Variants in SLAIN2 observed in about 807,000 individuals in gnomAD.
The protein encoded by SLAIN2 is SLAIN family member 2.
A neutral mutation model predicts 56.6 loss-of-function variants in SLAIN2; 31 were observed. The ratio of observed to expected loss-of-function variants is 0.55; its 90% CI spans 0.41 to 0.74. SLAIN2 has a LOEUF of 0.74. Ranked by LOEUF, SLAIN2 falls within the 30% of genes least tolerant of loss-of-function variation. SLAIN2 has a pLI of 0.00. For missense variants in SLAIN2, 777 were observed against 754.2 expected, an observed-to-expected ratio of 1.03 and a Z score of -0.35; for synonymous variants, 317 against 284.9, an observed-to-expected ratio of 1.11 and a Z score of -1.13.
chr4:48,358,895 A>AT (rs372737090), intron 1 of SLAIN2, among the ~76,000 whole-genome samples: 286 of 149,812 alleles, frequency 1.9e-3, no homozygotes, highest in African/African-American at 6.1e-3. Flanking sequence ...TAATTTTTGT[A>AT]TTTTTACTAG....
chr4:48,396,931 C>A (rs1716407654), intron 6 of SLAIN2, among the ~76,000 whole-genome samples: 1 of 152,172 alleles, frequency 6.6e-6, no homozygotes, highest in Non-Finnish European at 1.5e-5. Flanking sequence ...TATAGTCATG[C>A]TACTAAAGTC....
At chr4:48,377,040 G>C (rs1243950769) in intron 2 of SLAIN2, among the ~76,000 whole-genome samples, 1 of 149,734 alleles carries the variant, frequency 6.7e-6, no homozygotes, top group African/African-American at 2.5e-5. Context: ...TTATTTCATA[G>C]CTTTTAGAAA....
At chr4:48,351,838 A>G (rs577305382) in intron 1 of SLAIN2, among the ~76,000 whole-genome samples, 1 of 152,206 alleles carries the variant, frequency 6.6e-6, no homozygotes, top group South Asian at 2.1e-4. Context: ...AACCAGTAAT[A>G]TTTTCTAGAA....
At chr4:48,358,120 G>T (rs1420997580) in intron 1 of SLAIN2, among the ~76,000 whole-genome samples, 2 of 152,168 alleles carry the variant, frequency 1.3e-5, no homozygotes, top group Non-Finnish European at 2.9e-5. Context: ...TTTAATAGCT[G>T]TGCCACCTTG....
At chr4:48,408,530 CAAA>C (rs3072283) in intron 6 of SLAIN2, among the ~76,000 whole-genome samples, 3 of 109,048 alleles carry the variant, frequency 2.8e-5, no homozygotes, top group Non-Finnish European at 1.8e-5. Context: ...CCGTTTTTAG[CAAA>C]AAAAAAAAAA....
intron 1 of SLAIN2, among the ~76,000 whole-genome samples, chr4:48,352,087 A>G (rs1007811010): frequency 3.3e-5 from 5 of 151,412 alleles, no homozygotes; most frequent in African/African-American, 1.2e-4. Flanking sequence ...TGTGAAATCT[A>G]GGAGGAGAGT....
chr4:48,388,051 G>A (rs182663404), intron 6 of SLAIN2, among the ~76,000 whole-genome samples: 58 of 152,184 alleles, frequency 3.8e-4, no homozygotes, highest in Admixed American at 3.5e-3. Flanking sequence ...TTGCAAGGTT[G>A]CTGTTACTTC....
intron 1 of SLAIN2, among the ~76,000 whole-genome samples, chr4:48,352,337 A>G (rs1560449535): frequency 6.6e-6 from 1 of 152,236 alleles, no homozygotes; most frequent in Non-Finnish European, 1.5e-5. Flanking sequence ...ATGTTGCATG[A>G]AAACCATCAC....
chr4:48,412,238 T>C (rs1716875209), intron 6 of SLAIN2, among the ~76,000 whole-genome samples: 1 of 152,192 alleles, frequency 6.6e-6, no homozygotes, highest in African/African-American at 2.4e-5. Flanking sequence ...AATCTTGATA[T>C]CATGTATTTT....
chr4:48,420,187 G>T lies in SLAIN2; in HGVS notation c.1423G>T (p.Val475Leu). ...APSPLALRQP[V>L]KAFSNHGSGS... The stretch of plus-strand genomic sequence containing the variant: ...ATCTCCTTTGGCTCTTCGGCAACCA[G>T]TGAAAGCATTTAGTAACCATGGCTC... Residue 475 changes from valine to leucine, a missense_variant, in exon 7 of 8, where the codon GTG becomes TTG. By Grantham distance (32) the Val-to-Leu change is conservative. Coordinates refer to ENST00000264313, the MANE Select transcript of SLAIN2 (RefSeq NM_020846.2). 1 of 1,613,938 alleles carries T rather than the reference G, an allele frequency of 6.2e-7. No homozygotes were observed.
At chr4:48,410,461 G>T (rs1490755651) in intron 6 of SLAIN2, among the ~76,000 whole-genome samples, 1 of 151,932 alleles carries the variant, frequency 6.6e-6, no homozygotes, top group Non-Finnish European at 1.5e-5. Flanking sequence ...ATCAATTTTT[G>T]ATCTTATGGG....
chr4:48,410,908 C>G (rs1190725099), intron 6 of SLAIN2, among the ~76,000 whole-genome samples: 1 of 152,172 alleles, frequency 6.6e-6, no homozygotes, highest in Non-Finnish European at 1.5e-5. Context: ...GACAAAGTTG[C>G]TGCAGAATGC....
intron 6 of SLAIN2, among the ~76,000 whole-genome samples, chr4:48,400,435 C>T (rs778136335): frequency 1.1e-4 from 15 of 130,830 alleles, no homozygotes; most frequent in Non-Finnish European, 1.9e-4. Context: ...CTTGCTCTGT[C>T]GCCCAGGCTG....
chr4:48,363,694 C>T (rs1347058360), intron 1 of SLAIN2, among the ~76,000 whole-genome samples: 25 of 113,308 alleles, frequency 2.2e-4, no homozygotes, highest in African/African-American at 6.2e-4. Context: ...TAGGGGCGGC[C>T]GGGCAGAGGC....
chr4:48,393,934 T>C (rs1252655314), intron 6 of SLAIN2, among the ~76,000 whole-genome samples: 1 of 152,140 alleles, frequency 6.6e-6, no homozygotes, highest in African/African-American at 2.4e-5. Flanking sequence ...ATGGTCTGAC[T>C]CCTCCAAACC....
chr4:48,368,519 ATTG>A (rs1322752202), intron 1 of SLAIN2, among the ~76,000 whole-genome samples: 5 of 152,272 alleles, frequency 3.3e-5, no homozygotes, highest in Admixed American at 1.3e-4. Flanking sequence ...TGGTTTTATT[ATTG>A]TTATTATTCA....
intron 6 of SLAIN2, among the ~76,000 whole-genome samples, chr4:48,400,745 T>TA (rs967787719): frequency 6.6e-5 from 10 of 151,290 alleles, no homozygotes; most frequent in East Asian, 3.9e-4. Context: ...TTTTATTAAT[T>TA]AAAAAAAAAG....
intron 6 of SLAIN2, among the ~76,000 whole-genome samples, chr4:48,403,516 A>G (rs1288602309): frequency 1.3e-5 from 2 of 151,454 alleles, no homozygotes; most frequent in East Asian, 3.9e-4. Flanking sequence ...ATTGTGGGGA[A>G]CTCCTGGTCT....
At chr4:48,348,410 G>A (rs1421924255) in intron 1 of SLAIN2, among the ~76,000 whole-genome samples, 1 of 152,130 alleles carries the variant, frequency 6.6e-6, no homozygotes, top group Admixed American at 6.5e-5. Flanking sequence ...AAGACAGGCT[G>A]GGCATGGTGG....
Sources: allele counts gnomAD v4.1 joint callset (sites outside exome capture counted in the v4.1 genomes callset), GRCh38; gene constraint gnomAD v4.1.1; transcripts MANE v1.5; gene names NCBI Gene and HGNC (gene_info 2026-07-23, HGNC 2026-07-21).